The following INTS11 variants were observed in gnomAD, a reference collection of about 807,000 sequenced individuals.
INTS11 encodes CPSF3-like protein.
INTS11 carries 77 observed loss-of-function variants against 78.6 expected under a neutral mutation model. The observed-to-expected ratio is 0.98, with a 90% CI of 0.81 to 1.18. The LOEUF is 1.18. Ranked by LOEUF, INTS11 falls within the 50% of genes most tolerant of loss-of-function variation. The pLI is 0.00. For missense variants in INTS11, 875 were observed against 825.9 expected (o/e 1.06, Z -0.73); for synonymous variants, 441 against 326.9 (o/e 1.35, Z -3.77).
Position 1,312,468 on chromosome 1 carries a change from A to C in INTS11, c.1436T>G (p.Leu479Arg). 6.3e-7 allele frequency: 1 copy of C among 1,576,392 alleles called. No individual in the cohort carries two copies. The highest frequency in any genetic ancestry group is 8.6e-7 in the Non-Finnish European group (1 of 1,161,636). Residue 479 changes from leucine (L) to arginine (R), a missense_variant, in exon 14 of 17, where the codon CTG (leucine) becomes CGG (arginine). Coordinates refer to ENST00000435064, the MANE Select transcript of INTS11 (RefSeq NM_017871.6). Reference protein sequence around the residue: ...LLPEAKKPRLLHGTLIMKDSN... With the variant: ...LLPEAKKPRLRHGTLIMKDSN... ...GTCCTTCATGATCAGGGTGCCGTGC[A>C]GGAGCCGAGGCTTCTTGGCCTCAGG...
intron 1 of INTS11, chr1:1,322,025 T>C (rs2100637232): frequency 1.7e-6 from 2 of 1,196,698 alleles, no homozygotes; most frequent in Non-Finnish European, 1.1e-6. Context: ...TCCAGGCCTG[T>C]TCCTGCCCCC....
chr1:1,313,855 G>A lies in INTS11; in HGVS notation c.834C>T (p.Tyr278=), dbSNP rs1394378614. The change falls in exon 9 of 17, where the codon TAC becomes TAT. Residue 278 remains tyrosine (Y), a synonymous_variant. Coordinates refer to ENST00000435064, the MANE Select transcript of INTS11 (RefSeq NM_017871.6). The stretch of plus-strand genomic sequence containing the variant: ...TGGTCCAGGGGATGAACAGCTTGTA[G>A]TAGTGGTTGGCCTTCTCGGTCAGCC... The part of the protein sequence containing the change: ...STGLTEKANH[Y]YKLFIPWTNQ... The A allele has an allele frequency of 4.3e-6, 7 of 1,613,424 alleles. No homozygotes were observed. Among genetic ancestry groups the A allele is most frequent in the Admixed American group, 1.7e-5 (1 of 60,024 alleles).
At position 1,321,058 on chromosome 1, in the gene INTS11, C is replaced by T; in HGVS notation, c.64G>A (p.Val22Ile). 6.2e-7 allele frequency: 1 copy of T among 1,612,894 alleles called. No individual in the cohort carries two copies. Among genetic ancestry groups the T allele is most frequent in the Non-Finnish European group, 8.5e-7 (1 of 1,179,780 alleles). ...ATGACATTCTTGCCCGCAATGGAGA[C>T]CAGGATGCAGCTTCGGCCCACGTCC... is the stretch of plus-strand genomic sequence containing the variant. ...GQDVGRSCIL[V>I]SIAGKNVMLD... Residue 22 changes from valine to isoleucine, a missense_variant, in exon 2 of 17, where the codon GTC becomes ATC. Coordinates refer to ENST00000435064, the MANE Select transcript of INTS11 (RefSeq NM_017871.6).
chr1:1,319,729 G>A (rs1642834666), intron 3 of INTS11: 2 of 576,564 alleles, frequency 3.5e-6, no homozygotes, highest in Admixed American at 6.4e-5. Context: ...AAGCAAACGG[G>A]AAATTGAACA....
At chr1:1,320,118 C>T (rs1051784491) in intron 3 of INTS11, 4 of 286,938 alleles carry the variant, frequency 1.4e-5, no homozygotes, top group African/African-American at 6.6e-5. Context: ...AGCTGCTGAA[C>T]CCTAAAGGCT....
At chr1:1,315,215 G>A in intron 6 of INTS11, 189 bp downstream of exon 6, 1 of 755,986 alleles carries the variant, frequency 1.3e-6, no homozygotes, top group South Asian at 1.7e-5. Flanking sequence ...AGAGAAGGAG[G>A]GACAGAGGCC....
Position 1,319,418 on chromosome 1 carries a change from A to G in INTS11, c.307T>C (p.Leu103=). 1.2e-6 allele frequency: 2 copies of G among 1,613,204 alleles called. No homozygotes were observed. Among genetic ancestry groups the G allele is most frequent in the Non-Finnish European group, 1.7e-6 (2 of 1,179,938 alleles). ...THPTQAICPI[L]LEDYRKIAVD... is the part of the protein sequence containing the mutation. ...GCGATCTTGCGGTAGTCCTCCAGCA[A>G]GATGGGGCAGATGGCCTGGGTGGGG... Residue 103 remains leucine, a synonymous_variant, in exon 4 of 17, where the codon TTG becomes CTG. Transcript: ENST00000435064.
At position 1,312,152 on chromosome 1, in the gene INTS11, G is replaced by C. The variant is rs112135993; in HGVS notation, c.1608-5C>G. 18 of 1,535,846 alleles carry C rather than the reference G, an allele frequency of 1.2e-5. No homozygotes were observed. The East Asian group carries it at 4.6e-4, about 39-fold the overall frequency. On this transcript the variant is annotated splice_polypyrimidine_tract_variant and splice_region_variant and intron_variant, in intron 15 of 16. Coordinates refer to ENST00000435064, the MANE Select transcript of INTS11 (RefSeq NM_017871.6). ...ACACAGTGGTCCTTCAGGACGCTGT[G>C]GGGAGGCTCGGTGAGACCCTGCCTG...
In INTS11 at chr1:1,312,415, C is replaced by A. The variant is rs770247788; in HGVS notation, c.1464+25G>T. ...GTGAGCGCAGCAGCGGCCCTCCCCC[C>A]TCCAGAGACCGTCCTGGCACTCACG... is the stretch of plus-strand genomic sequence containing the variant. On this transcript the variant is annotated intron_variant, in intron 14 of 16. Coordinates refer to ENST00000435064, the MANE Select transcript of INTS11 (RefSeq NM_017871.6). 14 of 1,564,924 alleles carry A rather than the reference C, an allele frequency of 8.9e-6. No homozygotes were observed. The East Asian group carries it at 9.5e-5, about 11-fold the overall frequency.
At position 1,314,041 on chromosome 1, in the gene INTS11, C is replaced by T. The variant is rs1309392537; in HGVS notation, c.768-120G>A. The T allele has an allele frequency of 1.0e-6, 1 of 1,004,334 alleles. No homozygotes were observed. The highest frequency in any genetic ancestry group is 1.6e-5 in the African/African-American group (1 of 62,248). 62.2% of individuals were successfully genotyped at this position (1,004,334 alleles called of 1,614,324 possible). ...AGCCCACGCACGGGCCAGGTTGAGT[C>T]CAGTCGCGACCACTTGTCCCATTAA... On this transcript the variant is annotated intron_variant, in intron 8 of 16. Coordinates refer to ENST00000435064, the MANE Select transcript of INTS11 (RefSeq NM_017871.6). The surrounding 1 kb of genome is among the most constrained non-coding windows in gnomAD (Gnocchi z 4.2).
rs775869909 is a variant in INTS11, at chr1:1,312,919, A to C, written c.1162T>G (p.Ser388Ala). ...LEVKMQVEYM[S>A]FSAHADAKGI... ...TTGGCGTCCGCGTGTGCGCTGAATGACATGTACTCCACCTGCATCTTGACC... is the reference window on the plus strand; with the variant it reads ...TTGGCGTCCGCGTGTGCGCTGAATGCCATGTACTCCACCTGCATCTTGACC... Residue 388 changes from serine (S) to alanine (A), a missense_variant, in exon 12 of 17, where the codon TCA becomes GCA. Coordinates refer to ENST00000435064, the MANE Select transcript of INTS11 (RefSeq NM_017871.6). The C allele has an allele frequency of 1.9e-6, 3 of 1,612,316 alleles. No individual in the cohort carries two copies. Among genetic ancestry groups the C allele is most frequent in the East Asian group, 4.5e-5 (2 of 44,874 alleles).
chr1:1,313,015 AGTGCGGG>A lies in INTS11; in HGVS notation c.1131+13_1131+19del, dbSNP rs774434651. On this transcript the variant is annotated intron_variant, in intron 11 of 16. Coordinates refer to ENST00000435064, the MANE Select transcript of INTS11 (RefSeq NM_017871.6). Reference sequence around the variant, plus strand: ...AGGTGCCCCTCGGCCCTGCCAGCCCAGTGCGGGGTCGAGACTCACCACCTGCCGCCCC... The same window carrying A: ...AGGTGCCCCTCGGCCCTGCCAGCCCAGTCGAGACTCACCACCTGCCGCCCC... The A allele has an allele frequency of 3.7e-6, 6 of 1,611,648 alleles. No individual in the cohort carries two copies. In the Admixed American group the frequency reaches 1.0e-4, roughly 27 times the overall value.
At chr1:1,320,268 G>A (rs987835836) in intron 3 of INTS11, 188 bp downstream of exon 3, 1 of 617,076 alleles carries the variant, frequency 1.6e-6, no homozygotes, top group Non-Finnish European at 2.9e-6. Flanking sequence ...AGGGCCGGAA[G>A]AACAGACAGA....
rs764278418 is a variant in INTS11, at chr1:1,312,263, G to A, written c.1570C>T (p.Gln524Ter). The A allele has an allele frequency of 3.8e-5, 58 of 1,546,360 alleles. No homozygotes were observed. The highest frequency in any genetic ancestry group is 4.9e-5 in the Non-Finnish European group (56 of 1,146,066). The part of the protein sequence containing the change: ...RVHLHDTRKE[Q>*]ETALRVYSHL... ...CTGTAGACGCGCAATGCCGTCTCCT[G>A]CTCCTTGCGTGTGTCATGCAGGTGC... The change falls in exon 15 of 17, where the codon CAG (glutamine) becomes TAG (stop). Residue 524 changes from glutamine (Q) to a stop codon, truncating the protein, a stop_gained. Transcript: ENST00000435064. LOFTEE classifies it high-confidence loss of function.
chr1:1,312,213 G>GCCCGGCCCCCCCCCCCCCCCCCCCCC lies in INTS11; in HGVS notation c.1607+12_1607+13insGGGGGGGGGGGGGGGGGGGGGCCGGG. On this transcript the variant is annotated intron_variant, in intron 15 of 16. Transcript: ENST00000435064. ...CCCAAGGGAGTGGGGGGGGGGCGGGGCCGGGCGCCCACCTCTTGAGGTGGC... is the reference window on the plus strand; with the variant it reads ...CCCAAGGGAGTGGGGGGGGGGCGGGGCCCGGCCCCCCCCCCCCCCCCCCCCCCCGGGCGCCCACCTCTTGAGGTGGC... 1 of 934,610 alleles carries GCCCGGCCCCCCCCCCCCCCCCCCCCC rather than the reference G, an allele frequency of 1.1e-6. No homozygotes were observed. The highest frequency in any genetic ancestry group is 1.6e-6 in the Non-Finnish European group (1 of 636,664). 57.9% of individuals were successfully genotyped at this position (934,610 alleles called of 1,614,324 possible). A position where few individuals can be genotyped will look rare whatever the true frequency, so the allele number is the denominator to read the frequency against.
intron 4 of INTS11, chr1:1,316,023 CAA>C: frequency 3.8e-6 from 1 of 260,754 alleles, no homozygotes; most frequent in Non-Finnish European, 7.4e-6. Context: ...AGAGAAAAGA[CAA>C]GGTTCAGAAT....
Position 1,314,726 on chromosome 1 carries a change from A to G in INTS11, c.702+98T>C, listed in dbSNP as rs977224574. 1.4e-6 allele frequency: 2 copies of G among 1,385,800 alleles called. No homozygotes were observed. The highest frequency in any genetic ancestry group is 2.9e-5 in the African/African-American group (2 of 69,662). 85.8% of individuals were successfully genotyped at this position (1,385,800 alleles called of 1,614,324 possible). On this transcript the variant is annotated intron_variant, in intron 7 of 16. Transcript: ENST00000435064. This position sits in a 1 kb window ranked among gnomAD's most constrained non-coding sequence, Gnocchi z 4.2. ...CCTGCCTGAAAATGCAGTACCCCCCACCCTGAGACCCTGACCCATGCCAAG... is the reference window on the plus strand; with the variant it reads ...CCTGCCTGAAAATGCAGTACCCCCCGCCCTGAGACCCTGACCCATGCCAAG...
intron 10 of INTS11, 179 bp from the exon 11 acceptor site, chr1:1,313,303 G>A (rs890069378): frequency 3.3e-6 from 3 of 898,036 alleles, no homozygotes; most frequent in Non-Finnish European, 5.2e-6. Context: ...CCAGGGCTGG[G>A]CTGGGGCTGT....
chr1:1,313,433 C>T, intron 10 of INTS11, 76 bp downstream of exon 10: 1 of 1,535,484 alleles, frequency 6.5e-7, no homozygotes, highest in Admixed American at 1.7e-5. Flanking sequence ...CCAGTGAGAG[C>T]TCAGAGACAG....
Sources: gnomAD v4.1 joint callset for allele counts on GRCh38, gnomAD v4.1.1 for gene constraint, Gnocchi (gnomAD v3.1) non-coding constraint, MANE v1.5 for transcripts, NCBI Gene and HGNC (gene_info 2026-07-23, HGNC 2026-07-21) for gene names.